C5: variants seen among roughly 807,000 people sequenced by gnomAD.
C5 encodes complement C5.
Under a neutral mutation model 218.8 loss-of-function variants are expected in C5, and 140 were observed. The observed-to-expected ratio is 0.64, with a 90% CI of 0.56 to 0.74. C5 has a LOEUF of 0.74. C5 is among the 30% of genes least tolerant of loss of function. The probability of loss-of-function intolerance (pLI) is 0.00; values close to 1 mark genes in which losing one functional copy is unlikely to be tolerated. For missense variants in C5, 1,700 were observed against 1,969.6 expected (o/e 0.86, Z 2.59); for synonymous variants, 614 against 682.3 (o/e 0.90, Z 1.56).
At chr9:121,043,701 T>TC (rs2047600776) in intron 2 of C5, among the ~76,000 whole-genome samples, 1 of 28,230 alleles carries the variant, frequency 3.5e-5, no homozygotes, top group South Asian at 4.5e-3. Context: ...TCCAGCTAAC[T>TC]TTTTTTTTTT....
At chr9:121,052,444 T>A (rs866633192), upstream of C5, among the ~76,000 whole-genome samples, 22 of 129,266 alleles carry the variant, frequency 1.7e-4, no homozygotes, top group Middle Eastern at 4.1e-3. Flanking sequence ...AGAGCCAGAC[T>A]CCATCTCAGA....
chr9:120,986,750 G>A (rs372173032), intron 25 of C5, among the ~76,000 whole-genome samples: 8 of 151,862 alleles, frequency 5.3e-5, no homozygotes, highest in African/African-American at 1.9e-4. Flanking sequence ...AGGGGTCTAT[G>A]AGCCTTTTAT....
At position 121,023,487 on chromosome 9, in the gene C5, T is replaced by C. The variant is rs2047384962; in HGVS notation, c.1033A>G (p.Ile345Val). 3.1e-6 allele frequency: 5 copies of C among 1,613,636 alleles called. No homozygotes were observed. The South Asian group carries it at 4.4e-5, about 14-fold the overall frequency. Reference protein sequence around the residue: ...GFSEEAEIPGIKYVLSPYKLN... With the variant: ...GFSEEAEIPGVKYVLSPYKLN... ...TTGTAGGGAGAGAGGACATATTTGA[T>C]GCCAGGTATTTCTGCCTCTTCAGAA... The change falls in exon 10 of 41, where the codon ATC becomes GTC. Residue 345 changes from isoleucine (I) to valine (V), a missense_variant. By Grantham distance (29) the Ile-to-Val change is conservative. Transcript: ENST00000223642.
At chr9:121,073,281 T>TC in the C5 span, among the ~76,000 whole-genome samples, 1 of 152,172 alleles carries the variant, frequency 6.6e-6, no homozygotes, top group African/African-American at 2.4e-5. Context: ...CAAGCTCTTT[T>TC]CCCCCGCTTC....
At chr9:121,023,281 C>T (rs2047382529) in intron 10 of C5, 123 bp downstream of exon 10, 1 of 763,666 alleles carries the variant, frequency 1.3e-6, no homozygotes, top group African/African-American at 1.7e-5. Flanking sequence ...GGGCAGGTTT[C>T]ACAGAATAAG....
intron 20 of C5, among the ~76,000 whole-genome samples, chr9:121,002,265 T>C (rs1210682154): frequency 5.9e-5 from 6 of 101,296 alleles, no homozygotes; most frequent in Non-Finnish European, 1.2e-4. Context: ...TATATATGTA[T>C]ATATATGTAT....
At chr9:120,953,608 A>G in intron 40 of C5, 122 bp downstream of exon 40, 3 of 1,007,388 alleles carry the variant, frequency 3.0e-6, no homozygotes, top group Non-Finnish European at 4.7e-6. Flanking sequence ...CATTAATATT[A>G]TTTAGTTCAA....
At chr9:121,064,707 T>C in the C5 span, among the ~76,000 whole-genome samples, 1 of 152,232 alleles carries the variant, frequency 6.6e-6, no homozygotes, top group African/African-American at 2.4e-5. Flanking sequence ...TGAATGTCAA[T>C]TAAATTAAAT....
rs56204327 is a variant in C5, at chr9:121,018,578, AAAGGAAGGAAGGAAGG to A, written c.1507-742_1507-727del. Among the ~76,000 whole-genome samples the A allele has an allele frequency of 3.4e-3, 273 of 80,896 alleles. 3 individuals are homozygous for A. The highest frequency in any genetic ancestry group is 7.4e-3 in the East Asian group (18 of 2,422). The allele number at this position is 80,896 out of a possible 152,430, so 53.1% of individuals were successfully genotyped here. On this transcript the variant is annotated intron_variant, in intron 12 of 40. Coordinates refer to ENST00000223642, the MANE Select transcript of C5 (RefSeq NM_001735.3). ...GACAGAGTGAGACTCCACCAAAAAG[AAAGGAAGGAAGGAAGG>A]AAGGAAGGAAGGAAGGAAGGAAGGC... is the stretch of plus-strand genomic sequence containing the variant.
intron 22 of C5, 106 bp from the exon 23 acceptor site, chr9:120,991,386 T>C (rs1001768710): frequency 4.1e-6 from 3 of 726,732 alleles, no homozygotes; most frequent in Non-Finnish European, 7.3e-6. Context: ...ATAAAAGACT[T>C]ATAATTAGAC....
At chr9:120,974,042 ATG>A (rs1423161150) in intron 30 of C5, among the ~76,000 whole-genome samples, 3 of 152,232 alleles carry the variant, frequency 2.0e-5, no homozygotes, top group African/African-American at 7.2e-5. Context: ...GATGTCAACA[ATG>A]AGGATTATTT....
intron 5 of C5, among the ~76,000 whole-genome samples, 160 bp from the exon 6 acceptor site, chr9:121,032,355 T>C (rs569970836): frequency 6.6e-6 from 1 of 152,312 alleles, no homozygotes; most frequent in South Asian, 2.1e-4. Flanking sequence ...AAGCAATAAA[T>C]AATTGAGCAT....
chr9:121,071,722 GA>G, the C5 span, among the ~76,000 whole-genome samples: 12 of 152,258 alleles, frequency 7.9e-5, no homozygotes, highest in Non-Finnish European at 1.5e-4. Flanking sequence ...GCCAGTCACA[GA>G]AAGAAATGGC....
the C5 span, among the ~76,000 whole-genome samples, chr9:121,074,486 T>C: frequency 6.6e-6 from 1 of 152,294 alleles, no homozygotes; most frequent in East Asian, 1.9e-4. Flanking sequence ...GGCAGTTCGG[T>C]CCCTGGAGGG....
At chr9:121,046,413 T>C (rs770208218) in intron 1 of C5, 30 bp from the exon 2 acceptor site, 6 of 1,430,800 alleles carry the variant, frequency 4.2e-6, no homozygotes, top group Non-Finnish European at 4.9e-6. Flanking sequence ...TAAGGCTCAA[T>C]GTCTTTATAT....
chr9:121,057,439 AAG>A, the C5 span, among the ~76,000 whole-genome samples: 1 of 152,184 alleles, frequency 6.6e-6, no homozygotes, highest in Non-Finnish European at 1.5e-5. Context: ...ACCATGTAAA[AAG>A]ATACAAATAG....
At chr9:120,991,363 A>C (rs2047076141) in intron 22 of C5, 83 bp from the exon 23 acceptor site, 11 of 793,678 alleles carry the variant, frequency 1.4e-5, no homozygotes, top group Non-Finnish European at 2.4e-5. Flanking sequence ...CTACTTCCAA[A>C]GAATATTTCA....
intron 37 of C5, among the ~76,000 whole-genome samples, chr9:120,961,122 T>C (rs1022987371): frequency 8.5e-5 from 13 of 152,208 alleles, no homozygotes; most frequent in African/African-American, 3.1e-4. Flanking sequence ...CGAATTCCAT[T>C]AACTGGGAAG....
At chr9:121,050,315 T>A (rs2047662677), upstream of C5, 1 of 1,231,796 alleles carries the variant, frequency 8.1e-7, no homozygotes, top group Non-Finnish European at 1.2e-6. Context: ...TAAACTGAAC[T>A]TGAAGAATTC....
Sources: allele counts gnomAD v4.1 joint callset (sites outside exome capture counted in the v4.1 genomes callset), GRCh38; gene constraint gnomAD v4.1.1; transcripts MANE v1.5; gene names NCBI Gene and HGNC (gene_info 2026-07-23, HGNC 2026-07-21).